POLA2: variants seen among roughly 807,000 people sequenced by gnomAD.
POLA2 encodes the protein DNA polymerase alpha subunit B.
POLA2 carries 47 observed loss-of-function variants against 82.8 expected under a neutral mutation model. The ratio of observed to expected loss-of-function variants is 0.57; its 90% CI spans 0.45 to 0.72. POLA2 has a LOEUF of 0.72. POLA2 is among the 30% of genes least tolerant of loss of function. POLA2 has a pLI of 0.00. For synonymous variants in POLA2, 287 were observed against 286.8 expected, an observed-to-expected ratio of 1.00 and a Z score of -0.01; for missense variants, 634 against 728.1, an observed-to-expected ratio of 0.87 and a Z score of 1.49.
intron 1 of POLA2, among the ~76,000 whole-genome samples, chr11:65,263,030 G>GAGTC (rs1435087106): frequency 1.3e-5 from 2 of 150,194 alleles, no homozygotes; most frequent in Non-Finnish European, 2.9e-5. Context: ...GCAGTGTAAG[G>GAGTC]AGTCATTTGA....
intron 1 of POLA2, among the ~76,000 whole-genome samples, chr11:65,264,289 G>A (rs1430918470): frequency 1.3e-5 from 2 of 152,058 alleles, no homozygotes; most frequent in Non-Finnish European, 2.9e-5. Context: ...GGCTGATCTC[G>A]AACCCCTGAC....
At chr11:65,267,755 G>A (rs1949477153) in intron 3 of POLA2, among the ~76,000 whole-genome samples, 187 bp downstream of exon 3, 1 of 151,986 alleles carries the variant, frequency 6.6e-6, no homozygotes, top group African/African-American at 2.4e-5. Flanking sequence ...GACCAACCTG[G>A]GCAACATGGT....
At chr11:65,268,315 A>G (rs1193570541) in intron 3 of POLA2, among the ~76,000 whole-genome samples, 1 of 151,712 alleles carries the variant, frequency 6.6e-6, no homozygotes, top group Non-Finnish European at 1.5e-5. Context: ...TCTTCTAGCA[A>G]TCAGCCCTTG....
At chr11:65,269,447 A>C (rs1187380715) in intron 4 of POLA2, among the ~76,000 whole-genome samples, 2 of 151,550 alleles carry the variant, frequency 1.3e-5, no homozygotes, top group African/African-American at 4.9e-5. Context: ...AGATCGCGCT[A>C]CTGCACTCCA....
At chr11:65,264,208 C>T (rs2137482771) in intron 1 of POLA2, among the ~76,000 whole-genome samples, 1 of 152,272 alleles carries the variant, frequency 6.6e-6, no homozygotes, top group Non-Finnish European at 1.5e-5. Flanking sequence ...GCTGGGATTA[C>T]AGGCTCCCGC....
At chr11:65,299,262 G>C (rs1446149597), downstream of POLA2, among the ~76,000 whole-genome samples, 2 of 152,218 alleles carry the variant, frequency 1.3e-5, no homozygotes, top group African/African-American at 4.8e-5. Flanking sequence ...CTGCCCTTGA[G>C]ACACCAACTA....
chr11:65,284,896 G>A (rs543530091), intron 10 of POLA2, among the ~76,000 whole-genome samples: 1 of 152,332 alleles, frequency 6.6e-6, no homozygotes, highest in Non-Finnish European at 1.5e-5. Flanking sequence ...ATACTAGCAT[G>A]TTGTCAACAC....
At chr11:65,269,638 A>C (rs1284263625) in intron 4 of POLA2, among the ~76,000 whole-genome samples, 1 of 152,210 alleles carries the variant, frequency 6.6e-6, no homozygotes, top group Non-Finnish European at 1.5e-5. Context: ...TGAAGAGGAA[A>C]TAAATAGGTA....
At chr11:65,304,940 C>T (rs756688559) in intron 8 of POLA2, among the ~76,000 whole-genome samples, 2 of 152,066 alleles carry the variant, frequency 1.3e-5, no homozygotes, top group Non-Finnish European at 2.9e-5. Flanking sequence ...GCAGGCAGCA[C>T]ATCATCCTGG....
At chr11:65,278,969 A>G (rs1481347778) in intron 6 of POLA2, 46 bp downstream of exon 6, 2 of 1,529,054 alleles carry the variant, frequency 1.3e-6, no homozygotes, top group Non-Finnish European at 1.8e-6. Flanking sequence ...AAAACCACCT[A>G]GAAGGGTGTA....
chr11:65,274,624 G>T (rs868594162), intron 4 of POLA2, among the ~76,000 whole-genome samples: 12 of 151,116 alleles, frequency 7.9e-5, no homozygotes, highest in South Asian at 4.2e-4. Flanking sequence ...AGGTTGTAGT[G>T]AGCCGAGATC....
At position 65,279,579 on chromosome 11, in the gene POLA2, G is replaced by A. The variant is rs1175258659; in HGVS notation, c.697G>A (p.Glu233Lys). The A allele has an allele frequency of 4.3e-6, 7 of 1,613,710 alleles. No individual in the cohort carries two copies. Among genetic ancestry groups the A allele is most frequent in the Non-Finnish European group, 5.1e-6 (6 of 1,179,834 alleles). Residue 233 changes from glutamate (E) to lysine (K), a missense_variant, in exon 7 of 18, where the codon GAA becomes AAA. Physicochemically the swap from Glu to Lys is moderately conservative, Grantham distance 56. Transcript: ENST00000265465. ...AGAAGAACTTGGCAGCGAACTCAAG[G>A]AACATTACAAGATTGAAGCTTTCAC... Reference protein sequence around the residue: ...KIEELGSELKEHYKIEAFTPL... With the variant: ...KIEELGSELKKHYKIEAFTPL...
In POLA2 at chr11:65,289,875, C is replaced by G. The variant is rs759360131; in HGVS notation, c.1244+3C>G. 1 of 1,584,906 alleles carries G rather than the reference C, an allele frequency of 6.3e-7. No individual in the cohort carries two copies. Among genetic ancestry groups the G allele is most frequent in the East Asian group, 2.2e-5 (1 of 44,728 alleles). On this transcript the variant is annotated splice_donor_region_variant and intron_variant, in intron 13 of 17. Coordinates refer to ENST00000265465, the MANE Select transcript of POLA2 (RefSeq NM_002689.4). The stretch of plus-strand genomic sequence containing the variant: ...ACAATTATTGAAGGCACAAGAAGGT[C>G]AGATTTCAAAATACTGGACAGAACC...
At chr11:65,289,707 A>G in intron 12 of POLA2, 92 bp from the exon 13 acceptor site, 1 of 773,406 alleles carries the variant, frequency 1.3e-6, no homozygotes, top group Non-Finnish European at 2.2e-6. Context: ...CTAGCCCAAC[A>G]GCTGACTTCT....
downstream of POLA2, among the ~76,000 whole-genome samples, chr11:65,302,696 A>G (rs1949865253): frequency 6.6e-6 from 1 of 151,580 alleles, no homozygotes; most frequent in South Asian, 2.1e-4. Context: ...TCAGAGAACG[A>G]TTTGTCATGT....
In POLA2 at chr11:65,295,486, G is replaced by T. The variant is rs778431757; in HGVS notation, c.1461-54G>T. ...ATTAAATTCTCCAGTCCTCCCTGAAGAGAAATGGGCTGAAAAACAGAGTTC... is the reference window on the plus strand; with the variant it reads ...ATTAAATTCTCCAGTCCTCCCTGAATAGAAATGGGCTGAAAAACAGAGTTC... On this transcript the variant is annotated intron_variant, in intron 15 of 17. Coordinates refer to ENST00000265465, the MANE Select transcript of POLA2 (RefSeq NM_002689.4). 7.9e-5 allele frequency: 116 copies of T among 1,462,470 alleles called. No individual in the cohort carries two copies. In the Middle Eastern group the frequency reaches 1.2e-3, roughly 15 times the overall value. 90.6% of individuals were successfully genotyped at this position (1,462,470 alleles called of 1,614,324 possible).
At chr11:65,276,629 T>C (rs1163500084) in intron 5 of POLA2, among the ~76,000 whole-genome samples, 2 of 152,100 alleles carry the variant, frequency 1.3e-5, no homozygotes, top group South Asian at 2.1e-4. Flanking sequence ...CATAGGCAAG[T>C]GCTCTGCTGA....
chr11:65,294,062 C>G, intron 13 of POLA2, 91 bp from the exon 14 acceptor site: 1 of 1,097,486 alleles, frequency 9.1e-7, no homozygotes, highest in Non-Finnish European at 1.4e-6. Context: ...GGCTCTGCCT[C>G]CAGCCTGAGG....
chr11:65,268,631 C>T (rs1360004494), intron 3 of POLA2, 41 bp from the exon 4 acceptor site: 8 of 1,334,248 alleles, frequency 6.0e-6, no homozygotes, highest in South Asian at 3.6e-5. Context: ...CATGAGCTAC[C>T]GTGCCCAGCC....
Sources: gnomAD v4.1 joint callset for allele counts (sites outside exome capture counted in the v4.1 genomes callset) on GRCh38, gnomAD v4.1.1 for gene constraint, MANE v1.5 for transcripts, NCBI Gene and HGNC (gene_info 2026-07-23, HGNC 2026-07-21) for gene names.